NFIL3: variants seen among roughly 807,000 people sequenced by gnomAD.
NFIL3 encodes the protein nuclear factor, interleukin 3 regulated.
In NFIL3, 5 loss-of-function variants were observed where a neutral mutation model predicts 10.0. That is an observed-to-expected ratio of 0.50 (90% CI 0.26 to 1.06). The LOEUF is 1.06. Among genes scored for constraint, NFIL3 ranks in the 50% least tolerant of loss-of-function variants. The pLI is 0.13. For synonymous variants in NFIL3, 202 were observed against 206.5 expected (o/e 0.98, Z 0.19); for missense variants, 436 against 547.6 (o/e 0.80, Z 2.03).
At chr9:91,448,891 T>A in the NFIL3 span, among the ~76,000 whole-genome samples, 1 of 152,206 alleles carries the variant, frequency 6.6e-6, no homozygotes, top group Non-Finnish European at 1.5e-5. Flanking sequence ...TTAATTTTGG[T>A]CCTAATTTCT....
Position 91,410,557 on chromosome 9 carries a change from A to G in NFIL3, c.178T>C (p.Cys60Arg). ...GGAATGAATTCCCGTTTCCTCCGAC[A>G]TGCAGAAGATTTGTTCTTCCCCACA... Reference protein sequence around the residue: ...GSVGKNKSSACRRKREFIPDE... With the variant: ...GSVGKNKSSARRRKREFIPDE... The change falls in exon 2 of 2, where the codon TGT becomes CGT. Residue 60 changes from cysteine (C) to arginine (R), a missense_variant. By Grantham distance (180) the Cys-to-Arg change is radical. Around this residue, in one of 3 missense-constraint regions of NFIL3, gnomAD observed 76 missense variants for 73.0 expected, o/e 1.04. Transcript: ENST00000297689. This position sits in a 1 kb window ranked among gnomAD's most constrained non-coding sequence, Gnocchi z 5.7. 2 of 1,614,210 alleles carry G rather than the reference A, an allele frequency of 1.2e-6. No homozygotes were observed. Among genetic ancestry groups the G allele is most frequent in the Non-Finnish European group, 1.7e-6 (2 of 1,180,040 alleles).
the NFIL3 span, among the ~76,000 whole-genome samples, chr9:91,474,465 G>C: frequency 6.6e-6 from 1 of 152,130 alleles, no homozygotes; most frequent in Non-Finnish European, 1.5e-5. Context: ...TTCTGTTCCA[G>C]TATGTGGTGA....
At chr9:91,431,393 C>T in the NFIL3 span, among the ~76,000 whole-genome samples, 2 of 152,108 alleles carry the variant, frequency 1.3e-5, no homozygotes, top group African/African-American at 4.8e-5. Flanking sequence ...AGTTCCTCTA[C>T]ACAGTAAGAA....
At chr9:91,417,283 G>C (rs754245633) in intron 1 of NFIL3, among the ~76,000 whole-genome samples, 4 of 151,836 alleles carry the variant, frequency 2.6e-5, no homozygotes, top group Non-Finnish European at 4.4e-5. Flanking sequence ...ACAGATAACA[G>C]TAAAGGAAAA....
At chr9:91,448,593 A>G in the NFIL3 span, among the ~76,000 whole-genome samples, 54 of 152,292 alleles carry the variant, frequency 3.5e-4, no homozygotes, top group Non-Finnish European at 5.9e-4. Flanking sequence ...ATCAAATTTC[A>G]ACATGAGTTT....
chr9:91,474,092 T>G, the NFIL3 span, among the ~76,000 whole-genome samples: 4 of 151,806 alleles, frequency 2.6e-5, no homozygotes, highest in Admixed American at 6.6e-5. Flanking sequence ...TTTTGTTTTT[T>G]TTTTTTAATC....
At chr9:91,446,289 C>G in the NFIL3 span, among the ~76,000 whole-genome samples, 41 of 152,288 alleles carry the variant, frequency 2.7e-4, no homozygotes, top group South Asian at 6.2e-3. Flanking sequence ...TGTTTCCTTC[C>G]CTTCTCTACG....
the NFIL3 span, among the ~76,000 whole-genome samples, chr9:91,480,325 A>G: frequency 5.9e-5 from 9 of 152,162 alleles, no homozygotes; most frequent in Non-Finnish European, 1.3e-4. Flanking sequence ...TCTAAATTAT[A>G]GTAGTTAAAC....
chr9:91,421,537 G>C lies in NFIL3; in HGVS notation c.-173+2103C>G, dbSNP rs888817189. 6.6e-5 allele frequency among the ~76,000 whole-genome samples: 10 copies of C among 150,404 alleles called. No individual in the cohort carries two copies. The East Asian group carries it at 2.0e-3, about 30-fold the overall frequency. The stretch of plus-strand genomic sequence containing the variant: ...TTCTCGGTCCCGACCCGAGGTCCCC[G>C]CCCGCCACTACCAGACCCGCCCCCA... On this transcript the variant is annotated intron_variant, in intron 1 of 1. Transcript: ENST00000297689.
At chr9:91,442,900 G>A in the NFIL3 span, among the ~76,000 whole-genome samples, 3 of 152,090 alleles carry the variant, frequency 2.0e-5, no homozygotes, top group Non-Finnish European at 4.4e-5. Flanking sequence ...GCATGTTTCA[G>A]CCCTGTTTGT....
the NFIL3 span, among the ~76,000 whole-genome samples, chr9:91,448,876 T>G: frequency 0.019 from 2,890 of 152,310 alleles, 45 homozygotes; most frequent in Middle Eastern, 0.034. Flanking sequence ...TGGGATGTCT[T>G]TCCATTAATT....
upstream of NFIL3, among the ~76,000 whole-genome samples, chr9:91,428,162 CCT>C (rs1833889563): frequency 2.6e-5 from 4 of 152,100 alleles, no homozygotes; most frequent in Admixed American, 2.6e-4. Flanking sequence ...TAATCTTTCA[CCT>C]CTGTCTTCCT....
the NFIL3 span, among the ~76,000 whole-genome samples, chr9:91,431,222 T>C: frequency 1.3e-5 from 2 of 152,202 alleles, no homozygotes; most frequent in African/African-American, 4.8e-5. Context: ...AATGCTTTTT[T>C]TCCCCCAAAT....
At chr9:91,418,174 A>C (rs1833694348) in intron 1 of NFIL3, among the ~76,000 whole-genome samples, 1 of 152,228 alleles carries the variant, frequency 6.6e-6, no homozygotes, top group Non-Finnish European at 1.5e-5. Context: ...AATTAACTGC[A>C]CAGCTTGAGA....
chr9:91,441,658 T>C, the NFIL3 span, among the ~76,000 whole-genome samples: 3 of 150,278 alleles, frequency 2.0e-5, no homozygotes, highest in African/African-American at 7.3e-5. Flanking sequence ...ATTGTTTGTA[T>C]ACCAGTTATA....
At chr9:91,429,032 A>G in the NFIL3 span, among the ~76,000 whole-genome samples, 3 of 152,376 alleles carry the variant, frequency 2.0e-5, no homozygotes, top group Non-Finnish European at 4.4e-5. Context: ...CAACTGGAAC[A>G]CAGCTAGCAG....
At chr9:91,447,721 TC>T in the NFIL3 span, among the ~76,000 whole-genome samples, 1 of 152,240 alleles carries the variant, frequency 6.6e-6, no homozygotes, top group Non-Finnish European at 1.5e-5. Context: ...CTTTTTCTAT[TC>T]TTGATATTGA....
the NFIL3 span, among the ~76,000 whole-genome samples, chr9:91,471,657 TC>T: frequency 6.6e-6 from 1 of 152,020 alleles, no homozygotes; most frequent in Non-Finnish European, 1.5e-5. Context: ...ATGCTATCCC[TC>T]CCCCCAAGTC....
the NFIL3 span, among the ~76,000 whole-genome samples, chr9:91,457,258 AC>A: frequency 6.6e-6 from 1 of 151,946 alleles, no homozygotes; most frequent in Admixed American, 6.6e-5. Flanking sequence ...TCAAAAAAAA[AC>A]TTTCTGGAAT....
Sources: gnomAD v4.1 joint callset for allele counts (sites outside exome capture counted in the v4.1 genomes callset) on GRCh38, gnomAD v4.1.1 for gene constraint, gnomAD v4.1.1 regional missense constraint, Gnocchi (gnomAD v3.1) non-coding constraint, MANE v1.5 for transcripts, NCBI Gene and HGNC (gene_info 2026-07-23, HGNC 2026-07-21) for gene names.